PTH2R: variants seen among roughly 807,000 people sequenced by gnomAD.
The protein encoded by PTH2R is parathyroid hormone 2 receptor.
In PTH2R, 59 loss-of-function variants were observed where a neutral mutation model predicts 60.3. That is an observed-to-expected ratio of 0.98 (90% CI 0.79 to 1.22). The LOEUF (loss-of-function observed/expected upper bound fraction) is 1.22, where lower values mean the gene tolerates loss of function less well. PTH2R is among the 50% of genes most tolerant of loss of function. The pLI, the probability that PTH2R is intolerant of heterozygous loss-of-function variation, is 0.00. For missense variants in PTH2R, 749 were observed against 682.6 expected, an observed-to-expected ratio of 1.10 and a Z score of -1.08; for synonymous variants, 256 against 243.8, an observed-to-expected ratio of 1.05 and a Z score of -0.47.
At chr2:208,457,650 A>G (rs903446498) in intron 8 of PTH2R, among the ~76,000 whole-genome samples, 1 of 152,224 alleles carries the variant, frequency 6.6e-6, no homozygotes, top group Non-Finnish European at 1.5e-5. Flanking sequence ...TGGGAAGCAT[A>G]CACAATATGG....
At chr2:208,400,952 A>G (rs2105823862) in intron 1 of PTH2R, among the ~76,000 whole-genome samples, 1 of 152,332 alleles carries the variant, frequency 6.6e-6, no homozygotes, top group South Asian at 2.1e-4. Context: ...ACCTCAATAT[A>G]CATTTCACAA....
At chr2:208,424,497 C>A (rs1168283009) in intron 1 of PTH2R, among the ~76,000 whole-genome samples, 1 of 152,214 alleles carries the variant, frequency 6.6e-6, no homozygotes, top group Non-Finnish European at 1.5e-5. Context: ...CCCTGCTCCA[C>A]TTGCCAAGGC....
chr2:208,401,887 G>A (rs1559209147), upstream of PTH2R, among the ~76,000 whole-genome samples: 2 of 152,168 alleles, frequency 1.3e-5, no homozygotes, highest in African/African-American at 4.8e-5. Flanking sequence ...ACAGTGTGTT[G>A]TTGTTATTAG....
intron 1 of PTH2R, among the ~76,000 whole-genome samples, chr2:208,398,647 A>G (rs1337283944): frequency 6.6e-6 from 1 of 152,224 alleles, no homozygotes; most frequent in Non-Finnish European, 1.5e-5. Context: ...TGGGGAATGT[A>G]ATTAGATCAA....
rs6147138 is a variant in PTH2R at position 208,477,946 on chromosome 2, G to GTACTAGCACTACTACTAGTACTAGTAC, written c.982-3091_982-3065dup. Among the ~76,000 whole-genome samples, 572 of 144,382 alleles carry GTACTAGCACTACTACTAGTACTAGTAC rather than the reference G, an allele frequency of 4.0e-3. 20 individuals carry two copies. The East Asian group carries it at 0.087, about 22-fold the overall frequency. The allele number at this position is 144,382 out of a possible 152,430, so 94.7% of individuals were successfully genotyped here. On this transcript the variant is annotated intron_variant, in intron 9 of 12. Coordinates refer to ENST00000272847, the MANE Select transcript of PTH2R (RefSeq NM_005048.4). ...ACTAGTACTAGCACTACTACTAGTAGTACTAGCACTACTACTAGTACTAGT... is the reference window on the plus strand; with the variant it reads ...ACTAGTACTAGCACTACTACTAGTAGTACTAGCACTACTACTAGTACTAGTACTACTAGCACTACTACTAGTACTAGT...
intron 1 of PTH2R, among the ~76,000 whole-genome samples, chr2:208,378,187 A>G (rs1402744235): frequency 2.0e-4 from 30 of 151,816 alleles, no homozygotes; most frequent in Non-Finnish European, 3.5e-4. Context: ...CCCGGCCAAC[A>G]CAGCGAAACC....
At chr2:208,364,823 C>T (rs183434649) in intron 1 of PTH2R, among the ~76,000 whole-genome samples, 1 of 152,022 alleles carries the variant, frequency 6.6e-6, no homozygotes, top group East Asian at 1.9e-4. Context: ...ATTTATTTAT[C>T]TCTTCTTTGA....
At chr2:208,491,676 C>A (rs899260008) in intron 12 of PTH2R, among the ~76,000 whole-genome samples, 1 of 151,796 alleles carries the variant, frequency 6.6e-6, no homozygotes, top group Middle Eastern at 3.2e-3. Context: ...TCCTACCCCC[C>A]GCCCCCCAAG....
Position 208,444,757 on chromosome 2 carries a change from G to C in PTH2R, c.723G>C (p.Val241=). Residue 241 remains valine (V), a synonymous_variant, in exon 7 of 13, where the codon GTG becomes GTC. Coordinates refer to ENST00000272847, the MANE Select transcript of PTH2R (RefSeq NM_005048.4). ...AGATCGGGTGCAAGATTGCTGTTGT[G>C]ATGTTTATTTACTTCCTGGCTACAA... ...SQYIGCKIAV[V]MFIYFLATNY... 1 of 1,613,808 alleles carries C rather than the reference G, an allele frequency of 6.2e-7. No individual in the cohort carries two copies. The highest frequency in any genetic ancestry group is 8.5e-7 in the Non-Finnish European group (1 of 1,179,818).
chr2:208,403,684 C>A (rs372332041), upstream of PTH2R, among the ~76,000 whole-genome samples: 3 of 152,188 alleles, frequency 2.0e-5, no homozygotes, highest in African/African-American at 7.2e-5. Context: ...GCTCAGAAAT[C>A]TGTAATTTGG....
chr2:208,444,592 C>T (rs1702250764), intron 6 of PTH2R, 142 bp from the exon 7 acceptor site: 6 of 583,344 alleles, frequency 1.0e-5, no homozygotes, highest in South Asian at 5.1e-5. Flanking sequence ...GTTTTGGCCT[C>T]TCAACAGTTT....
In PTH2R at chr2:208,410,780, G is replaced by A. The variant is rs559296905; in HGVS notation, c.75+3662G>A. On this transcript the variant is annotated intron_variant, in intron 1 of 12. Transcript: ENST00000272847. ...TAAAAGATTGTGTGTGTGTGTGTGT[G>A]TCTTACATAAATGCTTGTATATGGG... 3.3e-5 allele frequency among the ~76,000 whole-genome samples: 5 copies of A among 152,200 alleles called. 1 individual carries two copies. Among genetic ancestry groups the A allele is most frequent in the African/African-American group, 1.2e-4 (5 of 41,524 alleles).
At chr2:208,489,518 G>A (rs1215898613) in intron 11 of PTH2R, among the ~76,000 whole-genome samples, 1 of 152,092 alleles carries the variant, frequency 6.6e-6, no homozygotes, top group Non-Finnish European at 1.5e-5. Flanking sequence ...AAAAAGGAGT[G>A]GGGAGGGGAG....
At chr2:208,437,470 G>A in intron 2 of PTH2R, 67 bp from the exon 3 acceptor site, 1 of 1,348,904 alleles carries the variant, frequency 7.4e-7, no homozygotes, top group Non-Finnish European at 1.0e-6. Context: ...TTTTTTGAAT[G>A]CATTTGTTCT....
At chr2:208,406,448 T>C (rs1255703649), upstream of PTH2R, among the ~76,000 whole-genome samples, 3 of 152,286 alleles carry the variant, frequency 2.0e-5, no homozygotes, top group East Asian at 5.8e-4. Context: ...ACGCAGGGCC[T>C]ACCTGGCCTC....
chr2:208,375,235 T>G (rs1700772360), intron 1 of PTH2R, among the ~76,000 whole-genome samples: 1 of 152,130 alleles, frequency 6.6e-6, no homozygotes. Flanking sequence ...GTAAACTTGA[T>G]GCAGTCTCTT....
chr2:208,441,088 T>C (rs1026510593), intron 4 of PTH2R, among the ~76,000 whole-genome samples: 2 of 152,226 alleles, frequency 1.3e-5, no homozygotes, highest in East Asian at 3.9e-4. Context: ...CAGCAGCCAA[T>C]TGCAAGACCA....
At chr2:208,373,939 C>T (rs1700747787) in intron 1 of PTH2R, among the ~76,000 whole-genome samples, 1 of 152,112 alleles carries the variant, frequency 6.6e-6, no homozygotes, top group African/African-American at 2.4e-5. Flanking sequence ...AAGCTTTTTA[C>T]TTGAAAGCAA....
intron 1 of PTH2R, among the ~76,000 whole-genome samples, chr2:208,390,274 G>C (rs1348291183): frequency 2.0e-5 from 3 of 152,144 alleles, no homozygotes; most frequent in Admixed American, 2.0e-4. Flanking sequence ...CTTATGTTTG[G>C]AGAGAGTGTT....
Sources: gnomAD v4.1 joint callset for allele counts (sites outside exome capture counted in the v4.1 genomes callset) on GRCh38, gnomAD v4.1.1 for gene constraint, MANE v1.5 for transcripts, NCBI Gene and HGNC (gene_info 2026-07-23, HGNC 2026-07-21) for gene names.